The following ABCC8 variants were observed in gnomAD, a reference collection of about 807,000 sequenced individuals.
The protein encoded by ABCC8 is ATP binding cassette subfamily C member 8, also known as ATP-binding cassette sub-family C member 8.
Under a neutral mutation model 188.0 loss-of-function variants are expected in ABCC8, and 137 were observed. The observed-to-expected ratio is 0.73, with a 90% CI of 0.63 to 0.84. The LOEUF is 0.84. ABCC8 is among the 40% of genes least tolerant of loss of function. The pLI, the probability that ABCC8 is intolerant of heterozygous loss-of-function variation, is 0.00. For missense variants in ABCC8, 1,750 were observed against 2,072.7 expected, an observed-to-expected ratio of 0.84 and a Z score of 3.02; for synonymous variants, 797 against 846.5, an observed-to-expected ratio of 0.94 and a Z score of 1.01.
chr11:17,442,994 G>A (rs921811397), intron 9 of ABCC8, 112 bp from the exon 10 acceptor site: 36 of 1,577,780 alleles, frequency 2.3e-5, no homozygotes, highest in Non-Finnish European at 3.0e-5. Flanking sequence ...TCCTCACCGG[G>A]AGGCAGCCTC....
At chr11:17,416,870 C>G in intron 17 of ABCC8, 60 bp downstream of exon 17, 1 of 1,586,614 alleles carries the variant, frequency 6.3e-7, no homozygotes, top group East Asian at 2.2e-5. Flanking sequence ...AAGTCCTCCA[C>G]CCCCACCCTA....
chr11:17,428,585 C>T lies in ABCC8; in HGVS notation c.1903G>A (p.Ala635Thr), dbSNP rs780373507. 4.3e-6 allele frequency: 7 copies of T among 1,614,102 alleles called. No homozygotes were observed. Among genetic ancestry groups the T allele is most frequent in the Non-Finnish European group, 4.2e-6 (5 of 1,180,024 alleles). Reference sequence around the variant, plus strand: ...CTCACCACCGCCTGGTACTTGCTGGCTGGGCCCTGAGGTGTGGGCTCATGG... The same window carrying T: ...CTCACCACCGCCTGGTACTTGCTGGTTGGGCCCTGAGGTGTGGGCTCATGG... ...APHEPTPQGP[A>T]SKYQAVPLRV... is the part of the protein sequence containing the mutation. Residue 635 changes from alanine to threonine, a missense_variant, in exon 13 of 39, where the codon GCC becomes ACC. Coordinates refer to ENST00000389817, the MANE Select transcript of ABCC8 (RefSeq NM_000352.6).
intron 10 of ABCC8, among the ~76,000 whole-genome samples, chr11:17,440,255 C>T (rs189963869): frequency 3.9e-5 from 6 of 152,132 alleles, no homozygotes; most frequent in African/African-American, 1.2e-4. Flanking sequence ...CCCCGGCTAT[C>T]GGGAGAAGCC....
intron 29 of ABCC8, among the ~76,000 whole-genome samples, chr11:17,399,289 A>C (rs1165807086): frequency 7.5e-5 from 11 of 146,134 alleles, no homozygotes; most frequent in African/African-American, 2.7e-4. Context: ...AAAAAAAAAA[A>C]AAAAAAAAAA....
At chr11:17,446,089 C>T (rs1040822250) in intron 8 of ABCC8, among the ~76,000 whole-genome samples, 1 of 151,880 alleles carries the variant, frequency 6.6e-6, no homozygotes, top group Non-Finnish European at 1.5e-5. Context: ...TCTCAGCCTC[C>T]GGAGTAGCTG....
Position 17,428,601 on chromosome 11 carries a change from G to A in ABCC8, c.1887C>T (p.Pro629=). ...ACTTGCTGGCTGGGCCCTGAGGTGT[G>A]GGCTCATGGGGGGCACACTGCTCCT... ...IREEQCAPHE[P]TPQGPASKYQ... Residue 629 remains proline (P), a synonymous_variant, in exon 13 of 39, where the codon CCC becomes CCT. Transcript: ENST00000389817. 1 of 1,614,084 alleles carries A rather than the reference G, an allele frequency of 6.2e-7. No homozygotes were observed. The highest frequency in any genetic ancestry group is 8.5e-7 in the Non-Finnish European group (1 of 1,180,028).
Position 17,404,002 on chromosome 11 carries a change from A to G in ABCC8, c.3557+510T>C, listed in dbSNP as rs909854684. 6.6e-6 allele frequency among the ~76,000 whole-genome samples: 1 copy of G among 152,212 alleles called. No homozygotes were observed. Among genetic ancestry groups the G allele is most frequent in the African/African-American group, 2.4e-5 (1 of 41,450 alleles). On this transcript the variant is annotated intron_variant, in intron 28 of 38. Coordinates refer to ENST00000389817, the MANE Select transcript of ABCC8 (RefSeq NM_000352.6). The surrounding 1 kb of genome is among the most constrained non-coding windows in gnomAD (Gnocchi z 4.7). ...TCTTAGAAAATTTTGAGGAGGAAAGAGGCGTGCATGGATCCAAAGCTCATG... is the reference window on the plus strand; with the variant it reads ...TCTTAGAAAATTTTGAGGAGGAAAGGGGCGTGCATGGATCCAAAGCTCATG...
At chr11:17,460,949 C>A in intron 5 of ABCC8, 2 of 567,118 alleles carry the variant, frequency 3.5e-6, no homozygotes, top group Non-Finnish European at 6.1e-6. Context: ...GAGCACAGCA[C>A]TGGAATGAGG....
At chr11:17,411,679 G>A (rs943537583) in intron 21 of ABCC8, among the ~76,000 whole-genome samples, 13 of 152,124 alleles carry the variant, frequency 8.5e-5, no homozygotes, top group South Asian at 2.1e-4. Flanking sequence ...AGCCCTCACA[G>A]TTGTCTCCCT....
intron 11 of ABCC8, 30 bp downstream of exon 11, chr11:17,432,174 C>T: frequency 6.4e-7 from 1 of 1,552,102 alleles, no homozygotes; most frequent in South Asian, 1.2e-5. Context: ...TCCACCCTAC[C>T]CCCAAGAGAT....
chr11:17,413,656 C>T, intron 19 of ABCC8, 178 bp from the exon 20 acceptor site: 2 of 1,288,376 alleles, frequency 1.6e-6, no homozygotes, highest in Non-Finnish European at 2.2e-6. Context: ...GAGGTCAGCA[C>T]TTCACACAGC....
At chr11:17,414,727 G>C in intron 18 of ABCC8, 117 bp from the exon 19 acceptor site, 1 of 1,542,038 alleles carries the variant, frequency 6.5e-7, no homozygotes, top group Non-Finnish European at 8.7e-7. Flanking sequence ...AGGTGCAGTT[G>C]GTAGAAATCT....
chr11:17,441,853 G>T (rs748354641), intron 10 of ABCC8, among the ~76,000 whole-genome samples: 2 of 152,112 alleles, frequency 1.3e-5, no homozygotes, highest in Non-Finnish European at 2.9e-5. Flanking sequence ...AGGCTGAGGC[G>T]GGTGGATCAC....
chr11:17,397,970 G>A (rs1954032522), intron 30 of ABCC8, 173 bp from the exon 31 acceptor site: 2 of 838,864 alleles, frequency 2.4e-6, no homozygotes, highest in South Asian at 5.5e-5. Flanking sequence ...GGAGCCCCAG[G>A]AGCCAACATG....
intron 12 of ABCC8, chr11:17,430,459 G>A (rs907194645): frequency 3.8e-5 from 14 of 369,562 alleles, no homozygotes; most frequent in African/African-American, 8.4e-5. Flanking sequence ...ACGTGGGGAC[G>A]GGATGGCCTC....
intron 2 of ABCC8, among the ~76,000 whole-genome samples, chr11:17,471,388 A>G (rs1211219746): frequency 1.3e-5 from 2 of 152,218 alleles, no homozygotes; most frequent in Non-Finnish European, 2.9e-5. Flanking sequence ...GAGGAAGGAC[A>G]TGAGGAGAGC....
chr11:17,403,895 AT>A (rs1954372425), intron 28 of ABCC8, among the ~76,000 whole-genome samples: 1 of 152,122 alleles, frequency 6.6e-6, no homozygotes, highest in Non-Finnish European at 1.5e-5. Context: ...CGTTCTTTAA[AT>A]TTTTTCCTAC....
At chr11:17,474,415 G>A (rs1244873964) in intron 2 of ABCC8, among the ~76,000 whole-genome samples, 2 of 152,182 alleles carry the variant, frequency 1.3e-5, no homozygotes, top group Non-Finnish European at 2.9e-5. Context: ...TGGGCATGGG[G>A]AATGAGGCCA....
intron 23 of ABCC8, 141 bp from the exon 24 acceptor site, chr11:17,407,594 C>T (rs995428254): frequency 6.9e-7 from 1 of 1,449,074 alleles, no homozygotes; most frequent in Non-Finnish European, 9.4e-7. Context: ...CAGACAGACA[C>T]ACATTCATCT....
Sources: allele counts gnomAD v4.1 joint callset (sites outside exome capture counted in the v4.1 genomes callset), GRCh38; gene constraint gnomAD v4.1.1; non-coding constraint Gnocchi (gnomAD v3.1); transcripts MANE v1.5; gene names NCBI Gene and HGNC (gene_info 2026-07-23, HGNC 2026-07-21).